TANC2: variants seen among roughly 807,000 people sequenced by gnomAD.
TANC2 encodes the protein protein TANC2.
In TANC2, 26 loss-of-function variants were observed where a neutral mutation model predicts 210.5. That is an observed-to-expected ratio of 0.12 (90% CI 0.09 to 0.17). The LOEUF is 0.17. Among genes scored for constraint, TANC2 ranks in the 10% least tolerant of loss-of-function variants. The pLI, the probability that TANC2 is intolerant of heterozygous loss-of-function variation, is 1.00. For missense variants in TANC2, 2,129 were observed against 2,608.9 expected (o/e 0.82, Z 4.01); for synonymous variants, 931 against 967.1 (o/e 0.96, Z 0.69).
At chr17:63,177,264 CAAAAA>C (rs755034454) in intron 5 of TANC2, among the ~76,000 whole-genome samples, 1 of 73,272 alleles carries the variant, frequency 1.4e-5, no homozygotes. Context: ...GACTCTGTCT[CAAAAA>C]AAAAAAAAAA....
chr17:63,012,474 A>G (rs2033916592), intron 2 of TANC2, among the ~76,000 whole-genome samples: 1 of 152,148 alleles, frequency 6.6e-6, no homozygotes, highest in Non-Finnish European at 1.5e-5. Context: ...TTCTTGGACA[A>G]TGCAAGAGCT....
chr17:63,099,478 AC>A, intron 4 of TANC2, 121 bp downstream of exon 4: 1 of 598,908 alleles, frequency 1.7e-6, no homozygotes, highest in Non-Finnish European at 2.5e-6. Context: ...TCCTAATGTC[AC>A]AGACTCTTGA....
intron 14 of TANC2, among the ~76,000 whole-genome samples, chr17:63,358,990 G>GTGTGTGTGTGTGTGTGTA (rs2046872011): frequency 6.6e-6 from 1 of 151,696 alleles, no homozygotes; most frequent in Admixed American, 6.6e-5. Flanking sequence ...GTGTGTGTGT[G>GTGTGTGTGTGTGTGTGTA]TGTGTGTGTG....
At chr17:63,169,919 C>G (rs1414607695) in intron 5 of TANC2, among the ~76,000 whole-genome samples, 1 of 145,032 alleles carries the variant, frequency 6.9e-6, no homozygotes, top group Non-Finnish European at 1.5e-5. Flanking sequence ...ATCACGAGGT[C>G]AGGAGATCAA....
Position 63,055,402 on chromosome 17 carries a change from T to G in TANC2, c.68-18541T>G, listed in dbSNP as rs557773995. Among the ~76,000 whole-genome samples, 3 of 91,618 alleles carry G rather than the reference T, an allele frequency of 3.3e-5. No individual in the cohort carries two copies. The East Asian group carries it at 6.1e-4, about 19-fold the overall frequency. The allele number at this position is 91,618 out of a possible 152,430, so 60.1% of individuals were successfully genotyped here. A position where few individuals can be genotyped will look rare whatever the true frequency, so the allele number is the denominator to read the frequency against. On this transcript the variant is annotated intron_variant, in intron 2 of 27. Transcript: ENST00000689528. The stretch of plus-strand genomic sequence containing the variant: ...TTGCTGGATTTAACAGTATGCTGAT[T>G]AAAAAAACAGCAGTATTCTCTGATG...
At chr17:63,007,779 A>G in intron 1 of TANC2, among the ~76,000 whole-genome samples, 1 of 152,188 alleles carries the variant, frequency 6.6e-6, no homozygotes, top group South Asian at 2.1e-4. Context: ...ACAGCCTATC[A>G]TTGTTATTTT....
At chr17:63,051,502 A>AG (rs2035580811) in intron 2 of TANC2, among the ~76,000 whole-genome samples, 1 of 152,156 alleles carries the variant, frequency 6.6e-6, no homozygotes, top group Non-Finnish European at 1.5e-5. Flanking sequence ...CTGTATGTTG[A>AG]GGGGGATACA....
At chr17:63,015,395 G>A (rs1341220559) in intron 2 of TANC2, among the ~76,000 whole-genome samples, 4 of 151,878 alleles carry the variant, frequency 2.6e-5, no homozygotes, top group Admixed American at 1.3e-4. Context: ...GTATGCACGC[G>A]CCATGTTGCT....
intron 2 of TANC2, among the ~76,000 whole-genome samples, chr17:63,051,743 T>C (rs1024843533): frequency 7.9e-5 from 12 of 152,180 alleles, no homozygotes; most frequent in Admixed American, 4.6e-4. Flanking sequence ...GTACAGTCTT[T>C]AGTGAATTAC....
intron 12 of TANC2, among the ~76,000 whole-genome samples, chr17:63,342,178 A>T (rs535762313): frequency 1.3e-5 from 2 of 152,100 alleles, no homozygotes; most frequent in Non-Finnish European, 2.9e-5. Flanking sequence ...AAATATATAT[A>T]TGTATTTATG....
chr17:63,058,005 G>T (rs751758453), intron 2 of TANC2, among the ~76,000 whole-genome samples: 4 of 152,096 alleles, frequency 2.6e-5, no homozygotes, highest in African/African-American at 4.8e-5. Flanking sequence ...TTGAGGAATT[G>T]CCACACTGCT....
chr17:63,315,165 T>C (rs929339425), intron 10 of TANC2, among the ~76,000 whole-genome samples: 3 of 152,224 alleles, frequency 2.0e-5, no homozygotes, highest in Non-Finnish European at 2.9e-5. Context: ...AGCTCTCATA[T>C]GTATTCAGGC....
chr17:63,328,357 A>G (rs2146689705), intron 11 of TANC2, among the ~76,000 whole-genome samples: 1 of 148,828 alleles, frequency 6.7e-6, no homozygotes, highest in African/African-American at 2.5e-5. Flanking sequence ...ATTTTAAAAC[A>G]TGGTATGTGT....
intron 14 of TANC2, among the ~76,000 whole-genome samples, chr17:63,375,167 G>A (rs1024393962): frequency 2.0e-5 from 3 of 152,152 alleles, no homozygotes; most frequent in African/African-American, 7.2e-5. Flanking sequence ...GTACATTGCT[G>A]TTTCCCCTTA....
At chr17:63,206,935 T>C (rs1433072545) in intron 7 of TANC2, among the ~76,000 whole-genome samples, 2 of 152,172 alleles carry the variant, frequency 1.3e-5, no homozygotes, top group Non-Finnish European at 2.9e-5. Context: ...AATATGTATA[T>C]GGTATAGACA....
intron 1 of TANC2, among the ~76,000 whole-genome samples, chr17:63,005,546 A>G (rs1217264327): frequency 1.3e-5 from 2 of 151,434 alleles, no homozygotes; most frequent in East Asian, 3.9e-4. Context: ...GAGAAGTGAC[A>G]TTTTAACAGT....
At chr17:63,061,864 A>G (rs1400571659) in intron 2 of TANC2, among the ~76,000 whole-genome samples, 2 of 151,876 alleles carry the variant, frequency 1.3e-5, no homozygotes, top group African/African-American at 4.8e-5. Context: ...TCTTAAGATC[A>G]TTTTGTTTAT....
intron 7 of TANC2, among the ~76,000 whole-genome samples, chr17:63,211,958 C>T (rs1037715056): frequency 6.6e-6 from 1 of 152,048 alleles, no homozygotes; most frequent in Non-Finnish European, 1.5e-5. Context: ...TATACATGTG[C>T]CGTGTTGGTT....
chr17:63,151,676 TAAAG>T (rs1567766377), intron 5 of TANC2: 1 of 152,170 alleles, frequency 6.6e-6, no homozygotes, highest in East Asian at 1.9e-4. Context: ...TTGAGATACT[TAAAG>T]AAATTTTGCT....
Sources: allele counts gnomAD v4.1 joint callset (sites outside exome capture counted in the v4.1 genomes callset), GRCh38; gene constraint gnomAD v4.1.1; transcripts MANE v1.5; gene names NCBI Gene and HGNC (gene_info 2026-07-23, HGNC 2026-07-21).